Variants in USP42 observed in about 807,000 individuals in gnomAD.
USP42 encodes the protein ubiquitin carboxyl-terminal hydrolase 42.
USP42 carries 23 observed loss-of-function variants against 113.0 expected under a neutral mutation model. The ratio of observed to expected loss-of-function variants is 0.20; its 90% CI spans 0.15 to 0.29. The LOEUF (loss-of-function observed/expected upper bound fraction) is 0.29. Among genes scored for constraint, USP42 ranks in the 10% least tolerant of loss-of-function variants. The pLI, the probability that USP42 is intolerant of heterozygous loss-of-function variation, is 1.00. For missense variants in USP42, 2,174 were observed against 1,779.8 expected, an observed-to-expected ratio of 1.22 and a Z score of -3.99; for synonymous variants, 933 against 699.0, an observed-to-expected ratio of 1.33 and a Z score of -5.28.
At position 6,154,742 on chromosome 7, in the gene USP42, A is replaced by C. The variant is rs1446188435; in HGVS notation, c.3188A>C (p.His1063Pro). The C allele has an allele frequency of 6.3e-6, 10 of 1,575,744 alleles. No homozygotes were observed. Among genetic ancestry groups the C allele is most frequent in the Non-Finnish European group, 8.6e-6 (10 of 1,162,586 alleles). The change falls in exon 15 of 18, where the codon CAT (histidine) becomes CCT (proline). Residue 1063 changes from histidine (H) to proline (P), a missense_variant. Transcript: ENST00000306177. ...RPRWDRCRYY[H>P]DRYALYAARD... ...CGCTGGGACAGGTGCCGGTACTACC[A>C]TGACAGGTACGCCCTGTACGCTGCC...
At chr7:6,090,362 A>C in the USP42 span, among the ~76,000 whole-genome samples, 6 of 137,908 alleles carry the variant, frequency 4.4e-5, no homozygotes, top group African/African-American at 1.4e-4. Flanking sequence ...ATATATATTT[A>C]TATATATTTC....
chr7:6,146,268 T>C lies in USP42; in HGVS notation c.1232+20T>C, dbSNP rs79331039. The stretch of plus-strand genomic sequence containing the variant: ...TATCAGGTATTGTCATGAAAACAAA[T>C]TGCCAGATTTTCTGGTATGTCATTT... On this transcript the variant is annotated intron_variant, in intron 11 of 17. Coordinates refer to ENST00000306177, the MANE Select transcript of USP42 (RefSeq NM_032172.3). 25,853 of 1,472,726 alleles carry C rather than the reference T, an allele frequency of 0.018. 323 individuals carry two copies. Among genetic ancestry groups the C allele is most frequent in the Middle Eastern group, 0.073 (420 of 5,762 alleles). 91.2% of individuals were successfully genotyped at this position (1,472,726 alleles called of 1,614,324 possible). A position where few individuals can be genotyped will look rare whatever the true frequency, so the allele number is the denominator to read the frequency against.
At chr7:6,146,755 C>G (rs1309935802) in intron 11 of USP42, among the ~76,000 whole-genome samples, 1 of 152,250 alleles carries the variant, frequency 6.6e-6, no homozygotes, top group East Asian at 1.9e-4. Flanking sequence ...CCGCATCGCA[C>G]TCTGTGGCCA....
chr7:6,116,082 C>T (rs1299150483), intron 3 of USP42, among the ~76,000 whole-genome samples: 1 of 128,938 alleles, frequency 7.8e-6, no homozygotes, highest in East Asian at 2.3e-4. Context: ...TCAGCCTAGA[C>T]AACAGAAAGA....
intron 3 of USP42, among the ~76,000 whole-genome samples, chr7:6,135,192 G>A (rs924303914): frequency 6.6e-6 from 1 of 152,166 alleles, no homozygotes; most frequent in African/African-American, 2.4e-5. Flanking sequence ...ATAGAGAGTA[G>A]CTAGGAGCAC....
the USP42 span, among the ~76,000 whole-genome samples, chr7:6,094,931 G>A: frequency 6.6e-6 from 1 of 150,944 alleles, no homozygotes; most frequent in Non-Finnish European, 1.5e-5. Flanking sequence ...GGGATTACAG[G>A]TGCTTGCCAC....
In USP42 at chr7:6,160,888, G is replaced by A. The variant is rs1782736687; in HGVS notation, c.*370G>A. The A allele has an allele frequency of 6.6e-6, 1 of 152,580 alleles. No homozygotes were observed. The highest frequency in any genetic ancestry group is 1.5e-5 in the Non-Finnish European group (1 of 68,040). 9.5% of individuals were successfully genotyped at this position (152,580 alleles called of 1,614,324 possible). On this transcript the variant is annotated 3_prime_UTR_variant, in exon 18 of 18. Coordinates refer to ENST00000306177, the MANE Select transcript of USP42 (RefSeq NM_032172.3). ...CCTCCAAGTTAGACATCTGGTGCAA[G>A]ACCAACCGGGAGACCATGGAATTGT...
chr7:6,161,410 TG>T lies in USP42; in HGVS notation c.*893del, dbSNP rs1453354772. On this transcript the variant is annotated 3_prime_UTR_variant, in exon 18 of 18. Coordinates refer to ENST00000306177, the MANE Select transcript of USP42 (RefSeq NM_032172.3). Reference sequence around the variant, plus strand: ...GGGGAAAACTGTATTTAATACAGTTTGTATCTGAATAATCTGTATGGTTTAT... The same window carrying T: ...GGGGAAAACTGTATTTAATACAGTTTTATCTGAATAATCTGTATGGTTTAT... 6.6e-6 allele frequency: 1 copy of T among 152,622 alleles called. No homozygotes were observed. Among genetic ancestry groups the T allele is most frequent in the Non-Finnish European group, 1.5e-5 (1 of 68,036 alleles). 9.5% of individuals were successfully genotyped at this position (152,622 alleles called of 1,614,324 possible).
chr7:6,092,188 T>C, the USP42 span, among the ~76,000 whole-genome samples: 1 of 142,428 alleles, frequency 7.0e-6, no homozygotes, highest in Non-Finnish European at 1.5e-5. Flanking sequence ...CTTTTTTTTT[T>C]TTTTTTTGAG....
chr7:6,141,635 T>C (rs56197464), intron 7 of USP42, among the ~76,000 whole-genome samples: 21,374 of 151,926 alleles, frequency 0.14, 1,676 homozygotes, highest in African/African-American at 0.2. Context: ...ATCAGCTCAC[T>C]GCATCCTCCA....
rs367952373 is a variant in USP42 at position 6,149,852 on chromosome 7, C to T, written c.1656C>T (p.Pro552=). Reference sequence around the variant, plus strand: ...ATTCTTTGGAGAACCCTACCAAGCCCGTTCCCTCTTCTACCATTACCAATT... The same window carrying T: ...ATTCTTTGGAGAACCCTACCAAGCCTGTTCCCTCTTCTACCATTACCAATT... ...HSNSLENPTK[P]VPSSTITNSA... Residue 552 remains proline, a synonymous_variant, in exon 13 of 18, where the codon CCC becomes CCT. Coordinates refer to ENST00000306177, the MANE Select transcript of USP42 (RefSeq NM_032172.3). 16 of 1,613,910 alleles carry T rather than the reference C, an allele frequency of 9.9e-6. No homozygotes were observed. The highest frequency in any genetic ancestry group is 1.7e-5 in the Admixed American group (1 of 60,014).
chr7:6,113,609 T>G (rs1289650683), intron 2 of USP42, among the ~76,000 whole-genome samples: 2 of 151,816 alleles, frequency 1.3e-5, no homozygotes, highest in Non-Finnish European at 2.9e-5. Context: ...AGCCTTTTGG[T>G]TTTTTTTGTT....
In USP42 at chr7:6,154,927, C is replaced by A; in HGVS notation, c.3373C>A (p.Leu1125Ile). ...CCCCCGCGCAGGCGCGCCCCACGCC[C>A]TCGCCCCGCACCCCGACCGCTTCTC... ...SSPRAGAPHA[L>I]APHPDRFSHD... Residue 1125 changes from leucine to isoleucine, a missense_variant, in exon 15 of 18, where the codon CTC (leucine) becomes ATC (isoleucine). Coordinates refer to ENST00000306177, the MANE Select transcript of USP42 (RefSeq NM_032172.3). 6.4e-7 allele frequency: 1 copy of A among 1,550,548 alleles called. No homozygotes were observed. The highest frequency in any genetic ancestry group is 1.2e-5 in the South Asian group (1 of 84,118).
At chr7:6,113,867 C>T (rs1352578861) in intron 2 of USP42, among the ~76,000 whole-genome samples, 16 of 151,486 alleles carry the variant, frequency 1.1e-4, no homozygotes, top group African/African-American at 3.4e-4. Context: ...GTGATCCGCC[C>T]GCCTCGGCCT....
rs1234009362 is a variant in USP42 at position 6,145,666 on chromosome 7, G to A, written c.1131+10G>A. The A allele has an allele frequency of 1.2e-6, 2 of 1,611,326 alleles. No individual in the cohort carries two copies. Among genetic ancestry groups the A allele is most frequent in the African/African-American group, 2.7e-5 (2 of 74,918 alleles). ...CTTCTGCTACATAAAAGTAAGCTGTGCAGATTTGCTATTAACTATTGTTAC... is the reference window on the plus strand; with the variant it reads ...CTTCTGCTACATAAAAGTAAGCTGTACAGATTTGCTATTAACTATTGTTAC... On this transcript the variant is annotated intron_variant, in intron 10 of 17. Coordinates refer to ENST00000306177, the MANE Select transcript of USP42 (RefSeq NM_032172.3).
At chr7:6,086,161 G>A in the USP42 span, among the ~76,000 whole-genome samples, 7 of 147,728 alleles carry the variant, frequency 4.7e-5, no homozygotes, top group East Asian at 2.0e-4. Flanking sequence ...TCAGCCTCCC[G>A]AGTACCTGGG....
the USP42 span, among the ~76,000 whole-genome samples, chr7:6,094,416 C>T: frequency 6.6e-6 from 1 of 151,048 alleles, no homozygotes; most frequent in Non-Finnish European, 1.5e-5. Context: ...AGCGATCTTC[C>T]TTCCTCGGCC....
At chr7:6,122,690 C>G (rs1298759468) in intron 3 of USP42, among the ~76,000 whole-genome samples, 1 of 151,834 alleles carries the variant, frequency 6.6e-6, no homozygotes, top group Non-Finnish European at 1.5e-5. Flanking sequence ...AGGATGGTCT[C>G]TTATCTCCTG....
chr7:6,081,890 T>C, the USP42 span: 2 of 152,118 alleles, frequency 1.3e-5, no homozygotes, highest in Non-Finnish European at 2.9e-5. Context: ...TCGTTAACAC[T>C]AACATATATA....
Sources: gnomAD v4.1 joint callset for allele counts (sites outside exome capture counted in the v4.1 genomes callset) on GRCh38, gnomAD v4.1.1 for gene constraint, MANE v1.5 for transcripts, NCBI Gene and HGNC (gene_info 2026-07-23, HGNC 2026-07-21) for gene names.